PACSIN2: variants seen among roughly 807,000 people sequenced by gnomAD.
PACSIN2 encodes protein kinase C and casein kinase substrate in neurons 2.
A neutral mutation model predicts 63.8 loss-of-function variants in PACSIN2; 25 were observed. That is an observed-to-expected ratio of 0.39 (90% confidence interval 0.29 to 0.55). The LOEUF is 0.55. Ranked by LOEUF, PACSIN2 falls within the 20% of genes least tolerant of loss-of-function variation. The pLI, the probability that PACSIN2 is intolerant of heterozygous loss-of-function variation, is 0.62. For missense variants in PACSIN2, 518 were observed against 646.9 expected (o/e 0.80, Z 2.16); for synonymous variants, 255 against 256.2 (o/e 1.00, Z 0.05).
intron 1 of PACSIN2, among the ~76,000 whole-genome samples, chr22:42,977,378 T>A (rs1555941903): frequency 6.6e-6 from 1 of 152,072 alleles, no homozygotes; most frequent in Non-Finnish European, 1.5e-5. Flanking sequence ...GATATAGGTA[T>A]GGAATTCACA....
chr22:42,910,535 A>G (rs2267470), intron 2 of PACSIN2, among the ~76,000 whole-genome samples: 34,811 of 152,092 alleles, frequency 0.23, 7,047 homozygotes, highest in East Asian at 0.73. Context: ...TTCTAGCACT[A>G]TTCCAGGGGC....
Position 42,991,812 on chromosome 22 carries a change from C to CAAAAA in PACSIN2, c.-78+23204_-78+23208dup, listed in dbSNP as rs58208243. On this transcript the variant is annotated intron_variant, in intron 1 of 10. Coordinates refer to ENST00000263246, the MANE Select transcript of PACSIN2 (RefSeq NM_001184970.3). ...ACTGAAACAACTGGCTATCCACAGA[C>CAAAAA]AAAAAAAAAAAAAAAAAACCTTCAA... Among the ~76,000 whole-genome samples, 2 of 119,840 alleles carry CAAAAA rather than the reference C, an allele frequency of 1.7e-5. 1 individual carries two copies. The highest frequency in any genetic ancestry group is 3.7e-5 in the Non-Finnish European group (2 of 54,152). 78.6% of individuals were successfully genotyped at this position (119,840 alleles called of 152,430 possible). A position where few individuals can be genotyped will look rare whatever the true frequency, so the allele number is the denominator to read the frequency against.
chr22:42,974,398 C>T (rs1239819767), intron 1 of PACSIN2, among the ~76,000 whole-genome samples: 3 of 152,158 alleles, frequency 2.0e-5, no homozygotes, highest in African/African-American at 7.2e-5. Context: ...CCAATGATTT[C>T]CATTCCCTCA....
chr22:42,930,389 C>G (rs906658522), intron 1 of PACSIN2, among the ~76,000 whole-genome samples: 3 of 152,224 alleles, frequency 2.0e-5, no homozygotes, highest in African/African-American at 7.2e-5. Context: ...GCACCTTTGT[C>G]TCAGCTCTCA....
At chr22:42,959,722 G>T (rs1354946058) in intron 1 of PACSIN2, 1 of 152,210 alleles carries the variant, frequency 6.6e-6, no homozygotes, top group East Asian at 1.9e-4. Context: ...CAGTGAGAAA[G>T]AAAACAATTC....
chr22:42,949,558 T>G (rs934767167), intron 1 of PACSIN2, among the ~76,000 whole-genome samples: 1 of 152,146 alleles, frequency 6.6e-6, no homozygotes, highest in Non-Finnish European at 1.5e-5. Context: ...CAATTCTTAT[T>G]TATGATAAAA....
intron 1 of PACSIN2, among the ~76,000 whole-genome samples, chr22:42,966,050 CAT>C (rs1329317240): frequency 6.6e-6 from 1 of 152,164 alleles, no homozygotes; most frequent in African/African-American, 2.4e-5. Context: ...GTTAGCCTTT[CAT>C]ATGTTTCATG....
intron 1 of PACSIN2, among the ~76,000 whole-genome samples, chr22:42,930,785 A>G (rs965337919): frequency 6.6e-6 from 1 of 152,238 alleles, no homozygotes; most frequent in African/African-American, 2.4e-5. Flanking sequence ...CAGAGGCATA[A>G]GAGTGTTTAA....
intron 2 of PACSIN2, among the ~76,000 whole-genome samples, chr22:42,905,959 C>T (rs1346850309): frequency 1.3e-5 from 2 of 152,262 alleles, no homozygotes; most frequent in Non-Finnish European, 2.9e-5. Context: ...CCACCCACTC[C>T]TTCAAGTATG....
intron 1 of PACSIN2, among the ~76,000 whole-genome samples, chr22:42,950,531 A>G (rs1933645920): frequency 6.7e-6 from 1 of 148,660 alleles, no homozygotes; most frequent in Non-Finnish European, 1.5e-5. Flanking sequence ...GCTGCTGTCC[A>G]GGCACAGGCT....
chr22:42,889,385 C>T (rs5751400), intron 4 of PACSIN2, among the ~76,000 whole-genome samples: 3 of 68,788 alleles, frequency 4.4e-5, no homozygotes, highest in Non-Finnish European at 7.0e-5. Flanking sequence ...CACACACACA[C>T]ACACACACAC....
chr22:42,994,937 G>C (rs1923298666), intron 1 of PACSIN2, among the ~76,000 whole-genome samples: 1 of 152,168 alleles, frequency 6.6e-6, no homozygotes, highest in Admixed American at 6.5e-5. Context: ...CCCAGTCTCT[G>C]TCTCACTGGA....
At chr22:42,996,184 C>T (rs1877484845) in intron 1 of PACSIN2, among the ~76,000 whole-genome samples, 1 of 151,504 alleles carries the variant, frequency 6.6e-6, no homozygotes, top group Non-Finnish European at 1.5e-5. Flanking sequence ...TGCACCACTG[C>T]ACTCCAGGCT....
intron 1 of PACSIN2, among the ~76,000 whole-genome samples, chr22:42,965,651 G>A (rs969840342): frequency 2.0e-5 from 3 of 152,090 alleles, no homozygotes; most frequent in Non-Finnish European, 4.4e-5. Context: ...TCAATTCTTG[G>A]AATAACTGAT....
intron 6 of PACSIN2, among the ~76,000 whole-genome samples, chr22:42,883,380 G>C (rs1267906763): frequency 2.0e-5 from 3 of 152,216 alleles, no homozygotes; most frequent in Admixed American, 2.0e-4. Context: ...TACACAGAGG[G>C]AGACAAACGG....
chr22:42,907,397 TCA>T (rs1931149265), intron 2 of PACSIN2, among the ~76,000 whole-genome samples: 1 of 152,196 alleles, frequency 6.6e-6, no homozygotes, highest in Non-Finnish European at 1.5e-5. Context: ...AGATACTAGT[TCA>T]GTGAAAAGAA....
At chr22:42,958,488 T>C (rs1273143803) in intron 1 of PACSIN2, among the ~76,000 whole-genome samples, 1 of 152,264 alleles carries the variant, frequency 6.6e-6, no homozygotes, top group Non-Finnish European at 1.5e-5. Flanking sequence ...TTTGAAGTTA[T>C]GAAACCTCTT....
chr22:42,987,196 T>C (rs1922676915), intron 1 of PACSIN2, among the ~76,000 whole-genome samples: 1 of 152,126 alleles, frequency 6.6e-6, no homozygotes. Context: ...CATGTGTCCC[T>C]GAACAAATAT....
intron 7 of PACSIN2, 60 bp from the exon 8 acceptor site, chr22:42,879,229 C>A: frequency 1.3e-6 from 2 of 1,579,674 alleles, no homozygotes; most frequent in Non-Finnish European, 8.6e-7. Context: ...GAAGCCACGT[C>A]TGTCCTCAGT....
Sources: gnomAD v4.1 joint callset for allele counts (sites outside exome capture counted in the v4.1 genomes callset) on GRCh38, gnomAD v4.1.1 for gene constraint, MANE v1.5 for transcripts, NCBI Gene and HGNC (gene_info 2026-07-23, HGNC 2026-07-21) for gene names.